The following COL23A1 variants were observed in gnomAD, a reference collection of about 807,000 sequenced individuals.
The protein encoded by COL23A1 is collagen type XXIII alpha 1 chain, also known as collagen alpha-1(XXIII) chain.
Under a neutral mutation model 99.3 loss-of-function variants are expected in COL23A1, and 97 were observed. The observed-to-expected ratio is 0.98, with a 90% CI of 0.83 to 1.16. COL23A1 has a LOEUF of 1.16. Among genes scored for constraint, COL23A1 ranks in the 50% most tolerant of loss-of-function variants. The probability of loss-of-function intolerance (pLI) is 0.00; values close to 1 mark genes in which losing one functional copy is unlikely to be tolerated. For missense variants in COL23A1, 762 were observed against 757.4 expected, an observed-to-expected ratio of 1.01 and a Z score of -0.07; for synonymous variants, 320 against 308.2, an observed-to-expected ratio of 1.04 and a Z score of -0.40.
chr5:178,326,782 C>T (rs553629670), intron 2 of COL23A1, among the ~76,000 whole-genome samples: 16 of 152,320 alleles, frequency 1.1e-4, no homozygotes, highest in Admixed American at 2.6e-4. Context: ...TGCAGTGGCG[C>T]GATTTCGGCT....
chr5:178,536,480 C>T (rs1211250123), intron 2 of COL23A1, among the ~76,000 whole-genome samples: 2 of 152,236 alleles, frequency 1.3e-5, no homozygotes, highest in African/African-American at 2.4e-5. Flanking sequence ...AGTGTCCACA[C>T]TGTCTACAGG....
At chr5:178,436,053 C>T (rs1191669676) in intron 2 of COL23A1, among the ~76,000 whole-genome samples, 3 of 152,170 alleles carry the variant, frequency 2.0e-5, no homozygotes, top group Admixed American at 6.5e-5. Flanking sequence ...CACTGAAGGC[C>T]GACTTCACGG....
intron 18 of COL23A1, among the ~76,000 whole-genome samples, chr5:178,249,683 AACACACACACAC>A (rs746295532): frequency 1.7e-5 from 2 of 118,326 alleles, no homozygotes; most frequent in African/African-American, 8.5e-5. Context: ...TGTATAGGAT[AACACACACACAC>A]ACACACACAC....
intron 2 of COL23A1, among the ~76,000 whole-genome samples, chr5:178,545,045 T>C (rs1048158923): frequency 1.3e-5 from 2 of 152,096 alleles, no homozygotes; most frequent in African/African-American, 4.8e-5. Context: ...GCCGTGATCA[T>C]TGCACTCCAG....
At chr5:178,243,356 G>A (rs961231644) in intron 25 of COL23A1, among the ~76,000 whole-genome samples, 2 of 151,516 alleles carry the variant, frequency 1.3e-5, no homozygotes, top group African/African-American at 2.4e-5. Flanking sequence ...TCCTAGCAGC[G>A]TGCACCTGTA....
chr5:178,326,873 C>G (rs1369443186), intron 2 of COL23A1, among the ~76,000 whole-genome samples: 1 of 152,230 alleles, frequency 6.6e-6, no homozygotes, highest in Non-Finnish European at 1.5e-5. Flanking sequence ...GCGCCTGCCA[C>G]CACGCCTGGC....
chr5:178,585,143 C>T (rs1238235784), intron 1 of COL23A1, among the ~76,000 whole-genome samples: 3 of 152,140 alleles, frequency 2.0e-5, no homozygotes, highest in African/African-American at 7.2e-5. Context: ...GAAGAATGTT[C>T]CCAAAATGTG....
chr5:178,249,071 G>A, intron 19 of COL23A1, 46 bp downstream of exon 19: 2 of 1,586,910 alleles, frequency 1.3e-6, no homozygotes, highest in Non-Finnish European at 8.6e-7. Context: ...TCACCTCAGG[G>A]CTTCCACACA....
At position 178,310,433 on chromosome 5, in the gene COL23A1, C is replaced by T. The variant is rs1461413127; in HGVS notation, c.362-3514G>A. 1.3e-5 allele frequency among the ~76,000 whole-genome samples: 2 copies of T among 152,228 alleles called. No homozygotes were observed. Among genetic ancestry groups the T allele is most frequent in the African/African-American group, 2.4e-5 (1 of 41,454 alleles). On this transcript the variant is annotated intron_variant, in intron 2 of 28. Transcript: ENST00000390654. This position sits in a 1 kb window ranked among gnomAD's most constrained non-coding sequence, Gnocchi z 4.3. ...CCTTTTCCTCCAGGACTCCCTGTGC[C>T]CGCCCCGCAGGCTCACCTTCTGCCT...
At chr5:178,545,067 G>A (rs987914454) in intron 2 of COL23A1, among the ~76,000 whole-genome samples, 1 of 151,992 alleles carries the variant, frequency 6.6e-6, no homozygotes, top group African/African-American at 2.4e-5. Flanking sequence ...CTGGGCAACC[G>A]AGTGAGATCC....
In COL23A1 at chr5:178,506,528, G is replaced by A. The variant is rs144892977; in HGVS notation, c.361+54154C>T. Among the ~76,000 whole-genome samples, 4 of 152,342 alleles carry A rather than the reference G, an allele frequency of 2.6e-5. No individual in the cohort carries two copies. In the East Asian group the frequency reaches 7.7e-4, roughly 29 times the overall value. On this transcript the variant is annotated intron_variant, in intron 2 of 28. Transcript: ENST00000390654. ...AATGCCTGGGCCAACAAGGAACTCC[G>A]TGGGAGGTGGGAAGTAGGGTCTGGA...
At chr5:178,386,256 C>T (rs866575072) in intron 2 of COL23A1, among the ~76,000 whole-genome samples, 4 of 152,030 alleles carry the variant, frequency 2.6e-5, no homozygotes, top group South Asian at 4.2e-4. Flanking sequence ...CTGGGCAACA[C>T]GGTGAAACCC....
intron 2 of COL23A1, among the ~76,000 whole-genome samples, chr5:178,417,783 A>G (rs1242983751): frequency 1.3e-5 from 2 of 152,230 alleles, no homozygotes; most frequent in Non-Finnish European, 2.9e-5. Context: ...TGTCTCCACC[A>G]TTAGGATAAA....
intron 2 of COL23A1, among the ~76,000 whole-genome samples, chr5:178,437,324 T>A (rs1367475879): frequency 6.6e-6 from 1 of 152,168 alleles, no homozygotes; most frequent in Non-Finnish European, 1.5e-5. Flanking sequence ...CCTAAAGTAA[T>A]TTCCCCAACC....
At chr5:178,496,009 C>T (rs1429029763) in intron 2 of COL23A1, among the ~76,000 whole-genome samples, 2 of 152,132 alleles carry the variant, frequency 1.3e-5, no homozygotes, top group Non-Finnish European at 2.9e-5. Context: ...GGCAGTCGAG[C>T]TCCAAACCCA....
intron 16 of COL23A1, among the ~76,000 whole-genome samples, chr5:178,253,092 TG>T (rs1457321675): frequency 6.6e-6 from 1 of 151,584 alleles, no homozygotes; most frequent in Non-Finnish European, 1.5e-5. Context: ...CAGGTAGGGG[TG>T]GGGTCTCCAG....
intron 2 of COL23A1, among the ~76,000 whole-genome samples, chr5:178,425,252 G>A (rs1212773161): frequency 6.6e-6 from 1 of 151,908 alleles, no homozygotes; most frequent in African/African-American, 2.4e-5. Flanking sequence ...GGGAAACCCG[G>A]TCTCTACTAA....
rs1758618763 is a variant in COL23A1 at position 178,310,609 on chromosome 5, C to T, written c.362-3690G>A. On this transcript the variant is annotated intron_variant, in intron 2 of 28. Transcript: ENST00000390654. This position sits in a 1 kb window ranked among gnomAD's most constrained non-coding sequence, Gnocchi z 4.3. ...CTCCCAAGTGCAAGGACAGTTGTGT[C>T]CCATATGCTGAGCTACCGGGCAGGC... 6.6e-6 allele frequency among the ~76,000 whole-genome samples: 1 copy of T among 152,120 alleles called. No individual in the cohort carries two copies. The highest frequency in any genetic ancestry group is 1.5e-5 in the Non-Finnish European group (1 of 68,028).
intron 5 of COL23A1, among the ~76,000 whole-genome samples, chr5:178,273,418 G>A (rs1265209333): frequency 6.6e-6 from 1 of 152,234 alleles, no homozygotes; most frequent in African/African-American, 2.4e-5. Context: ...GAGAAGCCCC[G>A]TCCGTGACAG....
Sources: allele counts gnomAD v4.1 joint callset (sites outside exome capture counted in the v4.1 genomes callset), GRCh38; gene constraint gnomAD v4.1.1; non-coding constraint Gnocchi (gnomAD v3.1); transcripts MANE v1.5; gene names NCBI Gene and HGNC (gene_info 2026-07-23, HGNC 2026-07-21).